Variants in FUT8 observed in about 807,000 individuals in gnomAD.
FUT8 encodes fucosyltransferase 8.
Under a neutral mutation model 71.3 loss-of-function variants are expected in FUT8, and 29 were observed. That is an observed-to-expected ratio of 0.41 (90% CI 0.30 to 0.55). The LOEUF is 0.55. Among genes scored for constraint, FUT8 ranks in the 20% least tolerant of loss-of-function variants. FUT8 has a pLI of 0.34. For missense variants in FUT8, 544 were observed against 702.1 expected (o/e 0.77, Z 2.55); for synonymous variants, 254 against 239.3 (o/e 1.06, Z -0.57).
chr14:65,442,933 CACAG>C (rs1296222747), intron 1 of FUT8, among the ~76,000 whole-genome samples: 2 of 151,912 alleles, frequency 1.3e-5, no homozygotes, highest in Non-Finnish European at 2.9e-5. Flanking sequence ...ATAAAACTGT[CACAG>C]ACAGGAGGAA....
At chr14:65,502,069 C>T (rs2066654695) in intron 2 of FUT8, among the ~76,000 whole-genome samples, 1 of 152,004 alleles carries the variant, frequency 6.6e-6, no homozygotes, top group Non-Finnish European at 1.5e-5. Flanking sequence ...TGCCACCACA[C>T]CCAGCTAATT....
rs967390841 is a variant in FUT8 at position 65,531,474 on chromosome 14, TA to T, written c.-227-29854del. 6.9e-4 allele frequency among the ~76,000 whole-genome samples: 104 copies of T among 151,162 alleles called. No homozygotes were observed. In the East Asian group the frequency reaches 7.7e-3, roughly 11 times the overall value. ...CATCAGAATTGTACATTGTGAGTCTTAAAAAAAAATGAGGAAATGTAGAGCC... is the reference window on the plus strand; with the variant it reads ...CATCAGAATTGTACATTGTGAGTCTTAAAAAAAATGAGGAAATGTAGAGCC... On this transcript the variant is annotated intron_variant, in intron 2 of 10. Transcript: ENST00000673929.
chr14:65,564,166 C>T (rs1035694864), intron 3 of FUT8, among the ~76,000 whole-genome samples: 1 of 151,868 alleles, frequency 6.6e-6, no homozygotes, highest in Non-Finnish European at 1.5e-5. Context: ...TTTTTTTCCC[C>T]TTATAGTAAT....
rs1896571582 is a variant in FUT8 at position 65,742,845 on chromosome 14, A to T, written c.*435A>T. 1 of 157,732 alleles carries T rather than the reference A, an allele frequency of 6.3e-6. No homozygotes were observed. The allele number at this position is 157,732 out of a possible 1,614,324, so 9.8% of individuals were successfully genotyped here. A position where few individuals can be genotyped will look rare whatever the true frequency, so the allele number is the denominator to read the frequency against. On this transcript the variant is annotated 3_prime_UTR_variant, in exon 11 of 11. Transcript: ENST00000673929. ...CTCTGAGGAAGTTGATTCTTATTTG[A>T]TGGTGGTATTGTGACCACTGAATTC...
In FUT8 at chr14:65,483,682, AT is replaced by A. The variant is rs1375708638; in HGVS notation, c.-228+27970del. Among the ~76,000 whole-genome samples the A allele has an allele frequency of 2.0e-5, 3 of 151,666 alleles. No homozygotes were observed. In the East Asian group the frequency reaches 5.8e-4, roughly 29 times the overall value. ...TTAGGTTGATCTTTAAGTATTTTATATTTTTTGATGCTTTTATAAATATTTA... is the reference window on the plus strand; with the variant it reads ...TTAGGTTGATCTTTAAGTATTTTATATTTTTGATGCTTTTATAAATATTTA... On this transcript the variant is annotated intron_variant, in intron 2 of 10. Coordinates refer to ENST00000673929, the MANE Select transcript of FUT8 (RefSeq NM_001371533.1). This position sits in a 1 kb window ranked among gnomAD's most constrained non-coding sequence, Gnocchi z 4.4.
chr14:65,439,604 AT>A (rs2065610985), intron 1 of FUT8, among the ~76,000 whole-genome samples: 1 of 152,120 alleles, frequency 6.6e-6, no homozygotes, highest in African/African-American at 2.4e-5. Flanking sequence ...CTGGTACATA[AT>A]TCATACTGTC....
chr14:65,721,672 T>C, intron 7 of FUT8, 103 bp from the exon 8 acceptor site: 1 of 1,123,546 alleles, frequency 8.9e-7, no homozygotes. Context: ...TATACTTCTT[T>C]AGAGTTGCTG....
chr14:65,598,495 G>A (rs552690020), intron 3 of FUT8, among the ~76,000 whole-genome samples: 1 of 152,070 alleles, frequency 6.6e-6, no homozygotes, highest in South Asian at 2.1e-4. Context: ...TGCTAGGATT[G>A]CAGGCGTGAG....
At chr14:65,565,540 G>A (rs1886148767) in intron 3 of FUT8, among the ~76,000 whole-genome samples, 1 of 151,838 alleles carries the variant, frequency 6.6e-6, no homozygotes, top group Non-Finnish European at 1.5e-5. Context: ...TGGAACTGCT[G>A]GGTCATATGT....
chr14:65,599,587 C>G (rs886102167), intron 3 of FUT8, among the ~76,000 whole-genome samples: 2 of 152,196 alleles, frequency 1.3e-5, no homozygotes, highest in Non-Finnish European at 2.9e-5. Context: ...GAAGCCCATA[C>G]TTAGATTCCA....
chr14:65,707,334 A>G (rs999557921), intron 7 of FUT8, among the ~76,000 whole-genome samples: 7 of 152,002 alleles, frequency 4.6e-5, no homozygotes, highest in African/African-American at 1.7e-4. Flanking sequence ...TCCTTTGCCC[A>G]TTTTTAAATT....
chr14:65,439,080 A>G (rs1410837610), intron 1 of FUT8, among the ~76,000 whole-genome samples: 1 of 152,176 alleles, frequency 6.6e-6, no homozygotes, highest in Non-Finnish European at 1.5e-5. Context: ...CCTCTAGAGA[A>G]TATGTCTAGA....
At chr14:65,463,223 A>T (rs2065993309) in intron 2 of FUT8, among the ~76,000 whole-genome samples, 1 of 152,202 alleles carries the variant, frequency 6.6e-6, no homozygotes, top group South Asian at 2.1e-4. Flanking sequence ...TTCTATTCAC[A>T]TTTCTATTCT....
At chr14:65,566,970 T>G (rs574685417) in intron 3 of FUT8, among the ~76,000 whole-genome samples, 124 of 152,010 alleles carry the variant, frequency 8.2e-4, no homozygotes, top group Admixed American at 1.9e-3. Flanking sequence ...CCCAGAAAAT[T>G]GTTGGTTTGT....
chr14:65,622,895 AG>A (rs1183127913), intron 5 of FUT8, among the ~76,000 whole-genome samples: 1 of 140,208 alleles, frequency 7.1e-6, no homozygotes, highest in East Asian at 2.2e-4. Flanking sequence ...GCTGGCCCTT[AG>A]GGGGAGCTTC....
chr14:65,652,530 C>T lies in FUT8; in HGVS notation c.598-16713C>T, dbSNP rs895107907. ...GACCATGAGGCATTCAGATAAAAAG[C>T]TAACATTCTGAGGCTGGTGAAGAAG... On this transcript the variant is annotated intron_variant, in intron 6 of 10. Coordinates refer to ENST00000673929, the MANE Select transcript of FUT8 (RefSeq NM_001371533.1). This position sits in a 1 kb window ranked among gnomAD's most constrained non-coding sequence, Gnocchi z 4.0. 1.3e-5 allele frequency among the ~76,000 whole-genome samples: 2 copies of T among 152,142 alleles called. No homozygotes were observed. Among genetic ancestry groups the T allele is most frequent in the African/African-American group, 4.8e-5 (2 of 41,436 alleles).
intron 6 of FUT8, among the ~76,000 whole-genome samples, chr14:65,666,448 C>T (rs1420377711): frequency 6.6e-6 from 1 of 152,114 alleles, no homozygotes; most frequent in African/African-American, 2.4e-5. Context: ...AAGATAAATT[C>T]CTGGAAACAT....
intron 5 of FUT8, among the ~76,000 whole-genome samples, chr14:65,620,853 G>T (rs760165886): frequency 6.6e-6 from 1 of 152,308 alleles, no homozygotes; most frequent in African/African-American, 2.4e-5. Flanking sequence ...TTATTTTCAA[G>T]TGGTGCTAGA....
chr14:65,465,988 T>C lies in FUT8; in HGVS notation c.-228+10270T>C, dbSNP rs185048046. On this transcript the variant is annotated intron_variant, in intron 2 of 10. Coordinates refer to ENST00000673929, the MANE Select transcript of FUT8 (RefSeq NM_001371533.1). ...TACATATAAAGATGATTATGTCTTC[T>C]TGGTGAATAATAACAGATTGACCAT... 3.5e-3 allele frequency among the ~76,000 whole-genome samples: 533 copies of C among 152,346 alleles called. 2 individuals carry two copies. The highest frequency in any genetic ancestry group is 0.012 in the African/African-American group (506 of 41,578).
Sources: allele counts gnomAD v4.1 joint callset (sites outside exome capture counted in the v4.1 genomes callset), GRCh38; gene constraint gnomAD v4.1.1; non-coding constraint Gnocchi (gnomAD v3.1); transcripts MANE v1.5; gene names NCBI Gene and HGNC (gene_info 2026-07-23, HGNC 2026-07-21).